Variants in CTNNA3 observed in about 807,000 individuals in gnomAD.
CTNNA3 encodes catenin alpha 3, also known as catenin alpha-3.
Under a neutral mutation model 95.7 loss-of-function variants are expected in CTNNA3, and 76 were observed. The ratio of observed to expected loss-of-function variants is 0.79; its 90% CI spans 0.66 to 0.96. The LOEUF (loss-of-function observed/expected upper bound fraction) is 0.96. Among genes scored for constraint, CTNNA3 ranks in the 40% least tolerant of loss-of-function variants. CTNNA3 has a pLI of 0.00. For missense variants in CTNNA3, 1,191 were observed against 1,089.8 expected, an observed-to-expected ratio of 1.09 and a Z score of -1.31; for synonymous variants, 431 against 374.4, an observed-to-expected ratio of 1.15 and a Z score of -1.74.
chr10:66,072,076 A>G (rs539034628), intron 14 of CTNNA3, among the ~76,000 whole-genome samples: 21 of 152,354 alleles, frequency 1.4e-4, no homozygotes, highest in African/African-American at 5.0e-4. Context: ...TTATATTGCA[A>G]GAGCAGTCAT....
chr10:66,783,565 A>G (rs80320571), intron 7 of CTNNA3, among the ~76,000 whole-genome samples: 1,575 of 152,224 alleles, frequency 0.01, 31 homozygotes, highest in African/African-American at 0.035. Flanking sequence ...TGTGATGCTA[A>G]TATAAAAGCG....
At chr10:66,404,803 A>G (rs1215547260) in intron 11 of CTNNA3, among the ~76,000 whole-genome samples, 2 of 150,396 alleles carry the variant, frequency 1.3e-5, no homozygotes, top group South Asian at 2.1e-4. Context: ...CACATAGTCT[A>G]TCATTAGTAT....
chr10:66,313,032 G>A (rs1464888924), intron 12 of CTNNA3, among the ~76,000 whole-genome samples: 1 of 152,092 alleles, frequency 6.6e-6, no homozygotes, highest in African/African-American at 2.4e-5. Context: ...CACCATTACC[G>A]GACGAAGGAA....
chr10:66,153,818 A>C (rs1040619319), intron 13 of CTNNA3, among the ~76,000 whole-genome samples: 1 of 151,056 alleles, frequency 6.6e-6, no homozygotes, highest in African/African-American at 2.4e-5. Context: ...TATCATCTCC[A>C]AATCTGCCTC....
intron 6 of CTNNA3, among the ~76,000 whole-genome samples, chr10:67,198,722 T>C (rs1863494209): frequency 6.6e-6 from 1 of 152,190 alleles, no homozygotes; most frequent in Non-Finnish European, 1.5e-5. Flanking sequence ...CCTTTCCAAA[T>C]TGAGAAGACC....
intron 7 of CTNNA3, among the ~76,000 whole-genome samples, chr10:67,142,680 TC>T (rs1860630785): frequency 6.6e-6 from 1 of 152,156 alleles, no homozygotes; most frequent in Non-Finnish European, 1.5e-5. Flanking sequence ...ACACCTGTAA[TC>T]CCAGCACTTT....
intron 7 of CTNNA3, among the ~76,000 whole-genome samples, chr10:66,966,581 G>A (rs1344813677): frequency 6.6e-6 from 1 of 151,788 alleles, no homozygotes; most frequent in Non-Finnish European, 1.5e-5. Flanking sequence ...GCCAACTGTA[G>A]GTCAGTTTTA....
intron 4 of CTNNA3, among the ~76,000 whole-genome samples, chr10:67,527,497 G>A (rs937621944): frequency 6.6e-6 from 1 of 152,192 alleles, no homozygotes; most frequent in Non-Finnish European, 1.5e-5. Context: ...CATCTGAACT[G>A]GTTCAGCTTA....
chr10:66,238,148 C>T (rs2089948204), intron 13 of CTNNA3, among the ~76,000 whole-genome samples: 1 of 151,778 alleles, frequency 6.6e-6, no homozygotes, highest in South Asian at 2.1e-4. Flanking sequence ...ATAGTTTTTG[C>T]TTTTTATTCT....
intron 5 of CTNNA3, among the ~76,000 whole-genome samples, chr10:67,224,091 T>C (rs1864783431): frequency 6.6e-6 from 1 of 152,196 alleles, no homozygotes; most frequent in Non-Finnish European, 1.5e-5. Context: ...TGCGTTTGTG[T>C]GTATGTGCTG....
At chr10:66,926,532 G>A (rs1847083614) in intron 7 of CTNNA3, 7 of 1,609,872 alleles carry the variant, frequency 4.3e-6, no homozygotes, top group Middle Eastern at 3.3e-4. Context: ...CATGCAACTG[G>A]CCCCTAAGCC....
At chr10:67,697,960 G>A (rs1840999271), upstream of CTNNA3, among the ~76,000 whole-genome samples, 1 of 152,086 alleles carries the variant, frequency 6.6e-6, no homozygotes, top group African/African-American at 2.4e-5. Flanking sequence ...CTAACTATAG[G>A]GTAGGAGACA....
chr10:66,820,884 G>A (rs7084950), intron 7 of CTNNA3, among the ~76,000 whole-genome samples: 2 of 152,012 alleles, frequency 1.3e-5, no homozygotes, highest in Non-Finnish European at 2.9e-5. Context: ...AAATAAAAAT[G>A]CAAATATTGG....
chr10:66,080,913 A>G (rs2080734793), intron 14 of CTNNA3, among the ~76,000 whole-genome samples: 1 of 152,196 alleles, frequency 6.6e-6, no homozygotes, highest in Admixed American at 6.5e-5. Context: ...GAGATGGTTC[A>G]CAGATGCTTA....
At chr10:66,905,476 A>C (rs547224946) in intron 7 of CTNNA3, among the ~76,000 whole-genome samples, 1 of 152,280 alleles carries the variant, frequency 6.6e-6, no homozygotes, top group African/African-American at 2.4e-5. Context: ...CAATGTAACA[A>C]ACCTACATGT....
Position 66,055,252 on chromosome 10 carries a change from G to A in CTNNA3, c.2159+14056C>T, listed in dbSNP as rs1472705589. 2.0e-5 allele frequency among the ~76,000 whole-genome samples: 3 copies of A among 152,056 alleles called. No homozygotes were observed. The East Asian group carries it at 5.8e-4, about 29-fold the overall frequency. ...TTTTAGGATTACTTTTTCTGTTTCT[G>A]TGAAGAATGTCATTGGTATTTTGAC... is the stretch of plus-strand genomic sequence containing the variant. On this transcript the variant is annotated intron_variant, in intron 15 of 17. Coordinates refer to ENST00000433211, the MANE Select transcript of CTNNA3 (RefSeq NM_013266.4).
At position 66,598,621 on chromosome 10, in the gene CTNNA3, C is replaced by A. The variant is rs138676769; in HGVS notation, c.1374+23071G>T. 6.9e-3 allele frequency among the ~76,000 whole-genome samples: 1,047 copies of A among 151,652 alleles called. 16 individuals are homozygous for A. The highest frequency in any genetic ancestry group is 0.024 in the African/African-American group (1,003 of 41,352). On this transcript the variant is annotated intron_variant, in intron 10 of 17. Coordinates refer to ENST00000433211, the MANE Select transcript of CTNNA3 (RefSeq NM_013266.4). ...GTATCTATACACTAATGATGAACTA[C>A]AAATCAAGAGAATAATTATATTTAC...
At chr10:67,498,763 G>T (rs1839126825) in intron 5 of CTNNA3, among the ~76,000 whole-genome samples, 1 of 152,154 alleles carries the variant, frequency 6.6e-6, no homozygotes, top group African/African-American at 2.4e-5. Context: ...AGGAATGCTT[G>T]TGATTTTTGC....
intron 13 of CTNNA3, among the ~76,000 whole-genome samples, chr10:66,257,820 G>A (rs538301090): frequency 6.6e-6 from 1 of 152,224 alleles, no homozygotes; most frequent in African/African-American, 2.4e-5. Flanking sequence ...ACAAACCTTA[G>A]AATTATTAAT....
Sources: allele counts gnomAD v4.1 joint callset (sites outside exome capture counted in the v4.1 genomes callset), GRCh38; gene constraint gnomAD v4.1.1; transcripts MANE v1.5; gene names NCBI Gene and HGNC (gene_info 2026-07-23, HGNC 2026-07-21).